VPS26A: variants seen among roughly 807,000 people sequenced by gnomAD.
The protein encoded by VPS26A is vacuolar protein sorting-associated protein 26A.
VPS26A carries 22 observed loss-of-function variants against 42.4 expected under a neutral mutation model. The ratio of observed to expected loss-of-function variants is 0.52; its 90% CI spans 0.37 to 0.74. The LOEUF is 0.74. VPS26A is among the 30% of genes least tolerant of loss of function. The probability of loss-of-function intolerance (pLI) is 0.00; values close to 1 mark genes in which losing one functional copy is unlikely to be tolerated. For missense variants in VPS26A, 276 were observed against 379.2 expected, an observed-to-expected ratio of 0.73 and a Z score of 2.26; for synonymous variants, 110 against 123.5, an observed-to-expected ratio of 0.89 and a Z score of 0.73.
intron 2 of VPS26A, among the ~76,000 whole-genome samples, chr10:69,142,919 A>C (rs757554558): frequency 1.3e-5 from 2 of 152,220 alleles, no homozygotes; most frequent in Non-Finnish European, 2.9e-5. Flanking sequence ...CTGGTCACCA[A>C]ATCTCTGCTA....
Position 69,148,778 on chromosome 10 carries a change from C to T in VPS26A, c.154-7034C>T, listed in dbSNP as rs12258976. ...TATTTTTTTTTTTTTTTTTTTGAGACGGAGTCTCACTCTGTTGCCTACGCT... is the reference window on the plus strand; with the variant it reads ...TATTTTTTTTTTTTTTTTTTTGAGATGGAGTCTCACTCTGTTGCCTACGCT... On this transcript the variant is annotated intron_variant, in intron 2 of 8. Coordinates refer to ENST00000263559, the MANE Select transcript of VPS26A (RefSeq NM_004896.5). 2.6e-3 allele frequency among the ~76,000 whole-genome samples: 343 copies of T among 132,836 alleles called. 4 individuals carry two copies. The highest frequency in any genetic ancestry group is 9.3e-3 in the African/African-American group (324 of 34,772). 87.1% of individuals were successfully genotyped at this position (132,836 alleles called of 152,430 possible).
intron 8 of VPS26A, among the ~76,000 whole-genome samples, chr10:69,170,633 G>C (rs907345262): frequency 6.6e-6 from 1 of 152,166 alleles, no homozygotes; most frequent in African/African-American, 2.4e-5. Context: ...ATGGTCAAGG[G>C]AGGGAAGAGA....
chr10:69,156,084 A>G (rs1841424350), intron 3 of VPS26A, among the ~76,000 whole-genome samples, 197 bp downstream of exon 3: 1 of 152,150 alleles, frequency 6.6e-6, no homozygotes, highest in Non-Finnish European at 1.5e-5. Flanking sequence ...TATTTGATAT[A>G]TCATTTCATG....
intron 1 of VPS26A, 64 bp from the exon 2 acceptor site, chr10:69,132,834 T>G: frequency 6.8e-7 from 1 of 1,470,138 alleles, no homozygotes; most frequent in Non-Finnish European, 9.1e-7. Flanking sequence ...GTAATTAAAT[T>G]CAAATTATAA....
chr10:69,142,087 G>A (rs1841054604), intron 2 of VPS26A, among the ~76,000 whole-genome samples: 1 of 151,184 alleles, frequency 6.6e-6, no homozygotes, highest in Admixed American at 6.6e-5. Context: ...GTTTCACCAT[G>A]TTGGCCAGGA....
At chr10:69,155,023 G>A (rs139130186) in intron 2 of VPS26A, among the ~76,000 whole-genome samples, 21 of 152,168 alleles carry the variant, frequency 1.4e-4, no homozygotes, top group African/African-American at 5.1e-4. Context: ...AGTAGCTCAT[G>A]CCTGTACTTC....
At position 69,171,615 on chromosome 10, in the gene VPS26A, G is replaced by T; in HGVS notation, c.*346G>T. ...GTATTTGTAATTTTGCTTTCTTTCT[G>T]CATAATGTTGATTATAAATCCTCTC... On this transcript the variant is annotated 3_prime_UTR_variant, in exon 9 of 9. Transcript: ENST00000263559. 5.9e-6 allele frequency: 1 copy of T among 168,198 alleles called. No homozygotes were observed. 10.4% of individuals were successfully genotyped at this position (168,198 alleles called of 1,614,324 possible). A position where few individuals can be genotyped will look rare whatever the true frequency, so the allele number is the denominator to read the frequency against.
intron 5 of VPS26A, among the ~76,000 whole-genome samples, chr10:69,159,428 C>T (rs1841504082): frequency 1.3e-5 from 2 of 151,644 alleles, no homozygotes; most frequent in South Asian, 2.1e-4. Context: ...ATTTAGTTCT[C>T]CAGAAGCGTG....
intron 1 of VPS26A, among the ~76,000 whole-genome samples, chr10:69,126,436 G>T (rs895025634): frequency 6.6e-6 from 1 of 151,944 alleles, no homozygotes; most frequent in African/African-American, 2.4e-5. Context: ...TAGGTGTGGC[G>T]CACACCTGTA....
chr10:69,137,876 T>G (rs937111194), intron 2 of VPS26A, among the ~76,000 whole-genome samples: 2 of 151,480 alleles, frequency 1.3e-5, no homozygotes, highest in Non-Finnish European at 2.9e-5. Context: ...TATATATATA[T>G]ATATATTCGC....
At chr10:69,152,324 A>T (rs924714307) in intron 2 of VPS26A, among the ~76,000 whole-genome samples, 1 of 152,238 alleles carries the variant, frequency 6.6e-6, no homozygotes, top group Non-Finnish European at 1.5e-5. Context: ...AGTTTCAAAA[A>T]ATATAATCGG....
At chr10:69,128,271 G>T (rs1223729290) in intron 1 of VPS26A, among the ~76,000 whole-genome samples, 2 of 140,548 alleles carry the variant, frequency 1.4e-5, no homozygotes, top group Admixed American at 1.5e-4. Context: ...TCACTCTGTC[G>T]CCCAGGCTGG....
In VPS26A at chr10:69,172,377, G is replaced by A. The variant is rs1488038553; in HGVS notation, c.*1108G>A. ...TTGCAGTCATCCATTCATATGCATG[G>A]GGTCTGATCGCAAATACACTAAATG... On this transcript the variant is annotated 3_prime_UTR_variant, in exon 9 of 9. Coordinates refer to ENST00000263559, the MANE Select transcript of VPS26A (RefSeq NM_004896.5). 3 of 152,178 alleles carry A rather than the reference G, an allele frequency of 2.0e-5. No individual in the cohort carries two copies. The highest frequency in any genetic ancestry group is 4.4e-5 in the Non-Finnish European group (3 of 68,026). The allele number at this position is 152,178 out of a possible 1,614,324, so 9.4% of individuals were successfully genotyped here. A position where few individuals can be genotyped will look rare whatever the true frequency, so the allele number is the denominator to read the frequency against.
At chr10:69,152,960 G>T (rs569176850) in intron 2 of VPS26A, among the ~76,000 whole-genome samples, 3 of 110,958 alleles carry the variant, frequency 2.7e-5, no homozygotes, top group African/African-American at 8.5e-5. Flanking sequence ...ACAGAGCGAG[G>T]CTCTGTCTCA....
At chr10:69,160,211 G>A (rs138374952) in intron 5 of VPS26A, among the ~76,000 whole-genome samples, 3,740 of 152,116 alleles carry the variant, frequency 0.025, 77 homozygotes, top group Non-Finnish European at 0.039. Context: ...CCAGGCTGGA[G>A]TGCAATGGCG....
intron 5 of VPS26A, among the ~76,000 whole-genome samples, chr10:69,160,731 C>T (rs540243553): frequency 7.2e-5 from 11 of 152,280 alleles, no homozygotes; most frequent in Middle Eastern, 3.4e-3. Flanking sequence ...GGATTACAGG[C>T]GTGCCCGGCC....
intron 2 of VPS26A, among the ~76,000 whole-genome samples, chr10:69,154,504 C>T (rs967755254): frequency 2.1e-4 from 32 of 152,066 alleles, no homozygotes; most frequent in African/African-American, 7.5e-4. Flanking sequence ...CCACTGCACT[C>T]TAGCCTGGGC....
intron 1 of VPS26A, among the ~76,000 whole-genome samples, chr10:69,126,994 T>C (rs983078415): frequency 5.9e-5 from 9 of 151,714 alleles, no homozygotes; most frequent in African/African-American, 2.2e-4. Flanking sequence ...AGTCTCGCTC[T>C]GTCGCCCAGG....
chr10:69,156,925 C>T (rs1053894195), intron 3 of VPS26A, 82 bp from the exon 4 acceptor site: 44 of 1,257,414 alleles, frequency 3.5e-5, no homozygotes, highest in East Asian at 7.6e-5. Flanking sequence ...TGGTAAAAAT[C>T]GTTTGTGTTT....
Sources: allele counts gnomAD v4.1 joint callset (sites outside exome capture counted in the v4.1 genomes callset), GRCh38; gene constraint gnomAD v4.1.1; transcripts MANE v1.5; gene names NCBI Gene and HGNC (gene_info 2026-07-23, HGNC 2026-07-21).